ETV6: variants seen among roughly 807,000 people sequenced by gnomAD.
ETV6 encodes transcription factor ETV6.
A neutral mutation model predicts 51.1 loss-of-function variants in ETV6; 16 were observed. The observed-to-expected ratio is 0.31, with a 90% CI of 0.21 to 0.48. The LOEUF is 0.48. ETV6 is among the 20% of genes least tolerant of loss of function. ETV6 has a pLI of 0.99. For missense variants in ETV6, 458 were observed against 594.8 expected (o/e 0.77, Z 2.39); for synonymous variants, 240 against 224.1 (o/e 1.07, Z -0.64).
rs1947363415 is a variant in ETV6 at position 11,894,576 on chromosome 12, C to A, written c.*3530C>A. 4.3e-6 allele frequency: 1 copy of A among 233,130 alleles called. No homozygotes were observed. The highest frequency in any genetic ancestry group is 8.5e-6 in the Non-Finnish European group (1 of 118,034). The allele number at this position is 233,130 out of a possible 1,614,324, so 14.4% of individuals were successfully genotyped here. Reference sequence around the variant, plus strand: ...TGTTTGGAACCCTCTGATCCAATGTCTTTTGATACTGATCTCTTGTCCAAA... The same window carrying A: ...TGTTTGGAACCCTCTGATCCAATGTATTTTGATACTGATCTCTTGTCCAAA... On this transcript the variant is annotated 3_prime_UTR_variant, in exon 8 of 8. Transcript: ENST00000396373.
intron 1 of ETV6, among the ~76,000 whole-genome samples, chr12:11,675,820 A>G (rs1864412156): frequency 6.6e-6 from 1 of 152,054 alleles, no homozygotes; most frequent in East Asian, 1.9e-4. Context: ...GTCTCTAAAC[A>G]AAAAGGAAGG....
chr12:11,657,555 G>A (rs1309821989), intron 1 of ETV6, among the ~76,000 whole-genome samples: 1 of 152,238 alleles, frequency 6.6e-6, no homozygotes, highest in African/African-American at 2.4e-5. Flanking sequence ...CTTCAGTTAC[G>A]TGGATGAATG....
At chr12:11,889,750 A>G (rs962005119) in intron 7 of ETV6, among the ~76,000 whole-genome samples, 8 of 152,244 alleles carry the variant, frequency 5.3e-5, no homozygotes, top group Admixed American at 5.2e-4. Context: ...GATGGCAGAA[A>G]GACCCGATGA....
intron 7 of ETV6, among the ~76,000 whole-genome samples, chr12:11,888,265 A>G (rs940010083): frequency 1.3e-5 from 2 of 152,092 alleles, no homozygotes; most frequent in African/African-American, 4.8e-5. Context: ...TCAAGGCTCA[A>G]CCTCAAGTCT....
At chr12:11,751,555 T>A (rs1176087887) in intron 1 of ETV6, among the ~76,000 whole-genome samples, 2 of 152,212 alleles carry the variant, frequency 1.3e-5, no homozygotes, top group Non-Finnish European at 2.9e-5. Context: ...TTGCCATTAT[T>A]TGCGGTATTT....
At chr12:11,730,226 C>T (rs1414278429) in intron 1 of ETV6, among the ~76,000 whole-genome samples, 2 of 152,240 alleles carry the variant, frequency 1.3e-5, no homozygotes, top group Admixed American at 1.3e-4. Context: ...AGGCCTTCAG[C>T]AAAGCCCACG....
rs998511943 is a variant in ETV6 at position 11,892,283 on chromosome 12, T to G, written c.*1237T>G. On this transcript the variant is annotated 3_prime_UTR_variant, in exon 8 of 8. Coordinates refer to ENST00000396373, the MANE Select transcript of ETV6 (RefSeq NM_001987.5). ...TCCTGGTCTCCACTGGACACAGAGC[T>G]TTGGAGACGGAGGATCCCAGAGGGC... The G allele has an allele frequency of 1.8e-5, 4 of 227,576 alleles. No individual in the cohort carries two copies. The highest frequency in any genetic ancestry group is 2.6e-5 in the Non-Finnish European group (3 of 116,700). 14.1% of individuals were successfully genotyped at this position (227,576 alleles called of 1,614,324 possible).
At chr12:11,797,080 T>G (rs911069170) in intron 2 of ETV6, among the ~76,000 whole-genome samples, 2 of 152,232 alleles carry the variant, frequency 1.3e-5, no homozygotes, top group Non-Finnish European at 2.9e-5. Context: ...CAATGAAAGA[T>G]TCTTTTTCTC....
At chr12:11,728,998 T>C (rs1865544599) in intron 1 of ETV6, among the ~76,000 whole-genome samples, 1 of 152,234 alleles carries the variant, frequency 6.6e-6, no homozygotes, top group African/African-American at 2.4e-5. Context: ...CTACGGTAGG[T>C]TGGGCTTTAC....
At chr12:11,845,402 T>C (rs1371409151) in intron 3 of ETV6, among the ~76,000 whole-genome samples, 1 of 152,232 alleles carries the variant, frequency 6.6e-6, no homozygotes, top group Non-Finnish European at 1.5e-5. Flanking sequence ...AGTTCTGTTT[T>C]CTCGAGAGCT....
intron 1 of ETV6, among the ~76,000 whole-genome samples, chr12:11,733,704 A>G (rs1399667646): frequency 1.3e-5 from 2 of 152,200 alleles, no homozygotes; most frequent in South Asian, 2.1e-4. Flanking sequence ...AGCACCCTCA[A>G]TGCAGGGAAT....
intron 4 of ETV6, among the ~76,000 whole-genome samples, chr12:11,854,267 G>A (rs1032762046): frequency 6.6e-6 from 1 of 152,010 alleles, no homozygotes; most frequent in South Asian, 2.1e-4. Context: ...GGACTCAGGC[G>A]GTAATACGAG....
At position 11,873,544 on chromosome 12, in the gene ETV6, A is replaced by G. The variant is rs1436404269; in HGVS notation, c.1009+3575A>G. Among the ~76,000 whole-genome samples the G allele has an allele frequency of 6.4e-5, 3 of 46,696 alleles. 1 individual carries two copies. Among genetic ancestry groups the G allele is most frequent in the Non-Finnish European group, 1.2e-4 (3 of 24,996 alleles). The allele number at this position is 46,696 out of a possible 152,430, so 30.6% of individuals were successfully genotyped here. A position where few individuals can be genotyped will look rare whatever the true frequency, so the allele number is the denominator to read the frequency against. On this transcript the variant is annotated intron_variant, in intron 5 of 7. Transcript: ENST00000396373. ...TCAAATGAGCACAGCACAAAAAGAA[A>G]TGAAGGTGCTGCTGAATGTCAAACT...
intron 1 of ETV6, among the ~76,000 whole-genome samples, chr12:11,741,943 C>CT (rs1865819761): frequency 6.6e-6 from 1 of 152,220 alleles, no homozygotes; most frequent in African/African-American, 2.4e-5. Context: ...ATTTACTTGG[C>CT]TATTGGGATT....
intron 2 of ETV6, among the ~76,000 whole-genome samples, chr12:11,803,462 A>G (rs948640133): frequency 6.6e-6 from 1 of 152,236 alleles, no homozygotes; most frequent in Non-Finnish European, 1.5e-5. Flanking sequence ...CTTCTAGAAC[A>G]TGTTAAAAAT....
At chr12:11,670,289 A>T (rs577383569) in intron 1 of ETV6, among the ~76,000 whole-genome samples, 9 of 152,320 alleles carry the variant, frequency 5.9e-5, no homozygotes, top group Admixed American at 5.9e-4. Flanking sequence ...GAAGTACTTC[A>T]TGTGATTCTT....
chr12:11,681,895 G>A (rs1001969696), intron 1 of ETV6, among the ~76,000 whole-genome samples: 4 of 152,154 alleles, frequency 2.6e-5, no homozygotes, highest in African/African-American at 7.2e-5. Context: ...CAAAGGACAT[G>A]AGCTCATCCT....
intron 5 of ETV6, among the ~76,000 whole-genome samples, chr12:11,878,646 C>G (rs1947032013): frequency 6.6e-6 from 1 of 152,000 alleles, no homozygotes; most frequent in Non-Finnish European, 1.5e-5. Context: ...TTTGCCTCCA[C>G]TTCTCCCTCC....
rs1947285942 is a variant in ETV6, at chr12:11,891,462, T to C, written c.*416T>C. ...TTCCTATGGAAATATATATCTATTA[T>C]ATATATATTTTTTGCAAATCTCACA... On this transcript the variant is annotated 3_prime_UTR_variant, in exon 8 of 8. Transcript: ENST00000396373. 4.1e-6 allele frequency: 2 copies of C among 487,282 alleles called. No homozygotes were observed. The highest frequency in any genetic ancestry group is 3.5e-5 in the South Asian group (2 of 56,534). 30.2% of individuals were successfully genotyped at this position (487,282 alleles called of 1,614,324 possible). A position where few individuals can be genotyped will look rare whatever the true frequency, so the allele number is the denominator to read the frequency against.
Sources: allele counts gnomAD v4.1 joint callset (sites outside exome capture counted in the v4.1 genomes callset), GRCh38; gene constraint gnomAD v4.1.1; transcripts MANE v1.5; gene names NCBI Gene and HGNC (gene_info 2026-07-23, HGNC 2026-07-21).